Variants in CENPP observed in about 807,000 individuals in gnomAD.
CENPP encodes centromere protein P.
Under a neutral mutation model 35.6 loss-of-function variants are expected in CENPP, and 24 were observed. That is an observed-to-expected ratio of 0.67 (90% CI 0.49 to 0.95). CENPP has a LOEUF of 0.95. Among genes scored for constraint, CENPP ranks in the 40% least tolerant of loss-of-function variants. The pLI is 0.00. For synonymous variants in CENPP, 120 were observed against 125.5 expected (o/e 0.96, Z 0.29); for missense variants, 332 against 345.3 (o/e 0.96, Z 0.31).
chr9:92,492,389 G>A (rs535752018), intron 5 of CENPP, among the ~76,000 whole-genome samples: 12 of 152,138 alleles, frequency 7.9e-5, no homozygotes, highest in African/African-American at 2.7e-4. Flanking sequence ...GGGAATAATC[G>A]TCTTGATGAC....
intron 5 of CENPP, among the ~76,000 whole-genome samples, chr9:92,481,903 T>C (rs60399788): frequency 2.4e-3 from 359 of 152,216 alleles, no homozygotes; most frequent in African/African-American, 8.1e-3. Flanking sequence ...TACTGTTTCA[T>C]TTAATATAGC....
chr9:92,442,435 C>T (rs891462889), intron 5 of CENPP, among the ~76,000 whole-genome samples: 6 of 148,192 alleles, frequency 4.0e-5, no homozygotes, highest in African/African-American at 1.5e-4. Context: ...AAAAAAAAAC[C>T]ACTCCATTAT....
At chr9:92,567,393 T>TATAG (rs1554688303) in intron 5 of CENPP, among the ~76,000 whole-genome samples, 85 of 124,922 alleles carry the variant, frequency 6.8e-4, no homozygotes, top group South Asian at 1.6e-3. Flanking sequence ...TATATATATA[T>TATAG]ATAGATATAT....
intron 5 of CENPP, among the ~76,000 whole-genome samples, chr9:92,592,153 C>T (rs1403125659): frequency 6.6e-6 from 1 of 151,924 alleles, no homozygotes; most frequent in African/African-American, 2.4e-5. Context: ...TAAATGTATA[C>T]ACTTATACAT....
chr9:92,377,480 A>C (rs1842150276), intron 4 of CENPP, among the ~76,000 whole-genome samples: 1 of 152,180 alleles, frequency 6.6e-6, no homozygotes, highest in African/African-American at 2.4e-5. Flanking sequence ...TATCTTTAAG[A>C]CTGCTACTGT....
chr9:92,565,620 G>C (rs1233659506), intron 5 of CENPP, among the ~76,000 whole-genome samples: 1 of 152,174 alleles, frequency 6.6e-6, no homozygotes, highest in Non-Finnish European at 1.5e-5. Context: ...TGATCACAGA[G>C]ATACAGACAA....
intron 5 of CENPP, among the ~76,000 whole-genome samples, chr9:92,404,946 G>C (rs954886810): frequency 6.6e-6 from 1 of 152,036 alleles, no homozygotes; most frequent in African/African-American, 2.4e-5. Flanking sequence ...CATAGTCCAT[G>C]TTGTTAATTT....
chr9:92,520,659 G>A (rs1563983356), intron 5 of CENPP, among the ~76,000 whole-genome samples: 1 of 152,252 alleles, frequency 6.6e-6, no homozygotes, highest in East Asian at 1.9e-4. Context: ...TTATATTAAT[G>A]TTCATAGCTG....
chr9:92,335,246 T>C (rs1175880612), intron 2 of CENPP, among the ~76,000 whole-genome samples: 1 of 152,236 alleles, frequency 6.6e-6, no homozygotes, highest in Non-Finnish European at 1.5e-5. Flanking sequence ...TATATATTTA[T>C]ATGCAATTTA....
chr9:92,436,728 A>G (rs936901579), intron 5 of CENPP, among the ~76,000 whole-genome samples: 2 of 152,084 alleles, frequency 1.3e-5, no homozygotes, highest in Non-Finnish European at 2.9e-5. Flanking sequence ...TTTCAGTTCT[A>G]TTTATTTATA....
At chr9:92,545,158 C>G (rs534413725) in intron 5 of CENPP, among the ~76,000 whole-genome samples, 2 of 152,230 alleles carry the variant, frequency 1.3e-5, no homozygotes, top group African/African-American at 4.8e-5. Flanking sequence ...CTTGAGGAGT[C>G]CTTCAGCCCA....
At chr9:92,392,614 C>T (rs540074580) in intron 5 of CENPP, among the ~76,000 whole-genome samples, 212 of 146,238 alleles carry the variant, frequency 1.4e-3, no homozygotes, top group African/African-American at 4.7e-3. Flanking sequence ...GACTCCATGT[C>T]GGGTTGGGGG....
intron 5 of CENPP, among the ~76,000 whole-genome samples, chr9:92,533,568 G>A (rs1848992292): frequency 6.6e-6 from 1 of 151,456 alleles, no homozygotes; most frequent in Admixed American, 6.6e-5. Context: ...TGGCCCTGTT[G>A]TTTTTCTCAC....
intron 5 of CENPP, among the ~76,000 whole-genome samples, chr9:92,567,369 G>GAGATAT (rs1554688219): frequency 2.9e-5 from 3 of 104,096 alleles, no homozygotes; most frequent in Non-Finnish European, 4.5e-5. Context: ...AGTTACATAA[G>GAGATAT]ATAGATATAT....
At chr9:92,604,806 C>G (rs889438489) in intron 5 of CENPP, among the ~76,000 whole-genome samples, 1 of 152,088 alleles carries the variant, frequency 6.6e-6, no homozygotes, top group Non-Finnish European at 1.5e-5. Context: ...GTTGGCCAGG[C>G]TGGTCTCAAA....
chr9:92,507,671 T>C (rs1254053552), intron 5 of CENPP, among the ~76,000 whole-genome samples: 1 of 152,190 alleles, frequency 6.6e-6, no homozygotes, highest in East Asian at 1.9e-4. Context: ...GGTCATCCAC[T>C]AGAGCAGCCT....
At chr9:92,426,058 CAG>C (rs1211053772) in intron 5 of CENPP, among the ~76,000 whole-genome samples, 1 of 151,760 alleles carries the variant, frequency 6.6e-6, no homozygotes, top group African/African-American at 2.4e-5. Flanking sequence ...CTAGAGCAGA[CAG>C]AATAAAAATG....
At position 92,463,948 on chromosome 9, in the gene CENPP, T is replaced by C. The variant is rs181486140; in HGVS notation, c.564+84089T>C. 3.7e-4 allele frequency among the ~76,000 whole-genome samples: 56 copies of C among 152,346 alleles called. No individual in the cohort carries two copies. In the East Asian group the frequency reaches 5.2e-3, roughly 14 times the overall value. On this transcript the variant is annotated intron_variant, in intron 5 of 7. Transcript: ENST00000375587. Reference sequence around the variant, plus strand: ...TCTTGATTAATAATAACAGCTTTACTGTGTCTTTTAAATTATCTGTATATG... The same window carrying C: ...TCTTGATTAATAATAACAGCTTTACCGTGTCTTTTAAATTATCTGTATATG...
intron 5 of CENPP, among the ~76,000 whole-genome samples, chr9:92,441,432 A>C (rs1844383881): frequency 6.6e-6 from 1 of 152,184 alleles, no homozygotes; most frequent in Non-Finnish European, 1.5e-5. Flanking sequence ...AAAAAAAGGG[A>C]TGAAGGGGAA....
Sources: gnomAD v4.1 joint callset for allele counts (sites outside exome capture counted in the v4.1 genomes callset) on GRCh38, gnomAD v4.1.1 for gene constraint, MANE v1.5 for transcripts, NCBI Gene and HGNC (gene_info 2026-07-23, HGNC 2026-07-21) for gene names.